Variants in CNTN4 observed in about 807,000 individuals in gnomAD.
The protein encoded by CNTN4 is contactin 4.
A neutral mutation model predicts 122.5 loss-of-function variants in CNTN4; 77 were observed. The observed-to-expected ratio is 0.63, with a 90% CI of 0.52 to 0.76. The LOEUF (loss-of-function observed/expected upper bound fraction) is 0.76. CNTN4 is among the 30% of genes least tolerant of loss of function. The probability of loss-of-function intolerance (pLI) is 0.00; values close to 1 mark genes in which losing one functional copy is unlikely to be tolerated. For missense variants in CNTN4, 1,256 were observed against 1,259.1 expected, an observed-to-expected ratio of 1.00 and a Z score of 0.04; for synonymous variants, 512 against 447.0, an observed-to-expected ratio of 1.15 and a Z score of -1.83.
intron 2 of CNTN4, among the ~76,000 whole-genome samples, chr3:2,299,181 T>G (rs2042415434): frequency 6.6e-6 from 1 of 152,144 alleles, no homozygotes; most frequent in Admixed American, 6.5e-5. Flanking sequence ...AGAGAATTAA[T>G]CCAGCATTAT....
At chr3:2,654,604 C>T (rs945340585) in intron 4 of CNTN4, among the ~76,000 whole-genome samples, 5 of 152,130 alleles carry the variant, frequency 3.3e-5, no homozygotes, top group Non-Finnish European at 1.5e-5. Flanking sequence ...TCAGGTCAGT[C>T]CACAAGCATT....
At chr3:2,529,875 A>G (rs1250267329) in intron 3 of CNTN4, among the ~76,000 whole-genome samples, 1 of 152,138 alleles carries the variant, frequency 6.6e-6, no homozygotes, top group African/African-American at 2.4e-5. Context: ...TTGAAATCCT[A>G]ATCCTTTAAC....
chr3:2,173,811 A>G (rs2036619985), intron 2 of CNTN4, among the ~76,000 whole-genome samples: 1 of 152,224 alleles, frequency 6.6e-6, no homozygotes, highest in Admixed American at 6.5e-5. Context: ...GAACTCTAAA[A>G]GATAAAATAA....
intron 4 of CNTN4, among the ~76,000 whole-genome samples, chr3:2,622,813 A>G (rs945154083): frequency 1.3e-5 from 2 of 152,210 alleles, no homozygotes; most frequent in African/African-American, 4.8e-5. Context: ...ATGCAAGATC[A>G]CGCAGCTGGT....
chr3:2,525,708 G>T (rs1265321499), intron 3 of CNTN4, among the ~76,000 whole-genome samples: 1 of 152,018 alleles, frequency 6.6e-6, no homozygotes, highest in East Asian at 1.9e-4. Context: ...TATATTATCT[G>T]GAACACAATC....
At chr3:2,744,054 A>T (rs532063734) in intron 5 of CNTN4, among the ~76,000 whole-genome samples, 1 of 152,248 alleles carries the variant, frequency 6.6e-6, no homozygotes, top group East Asian at 1.9e-4. Context: ...GGCTCAAGAG[A>T]CCTGCCTGCT....
At chr3:2,634,358 T>A (rs550624246) in intron 4 of CNTN4, among the ~76,000 whole-genome samples, 96 of 152,306 alleles carry the variant, frequency 6.3e-4, no homozygotes, top group Non-Finnish European at 1.1e-3. Flanking sequence ...GCGGCAATAT[T>A]TGTTTAATAT....
intron 4 of CNTN4, among the ~76,000 whole-genome samples, chr3:2,610,387 T>A (rs760558810): frequency 2.2e-4 from 33 of 152,228 alleles, no homozygotes; most frequent in Non-Finnish European, 4.4e-4. Flanking sequence ...CCTCTGTTTT[T>A]AAATTGCTTT....
At position 2,317,096 on chromosome 3, in the gene CNTN4, A is replaced by G. The variant is rs577983663; in HGVS notation, c.-144-22082A>G. Among the ~76,000 whole-genome samples the G allele has an allele frequency of 6.6e-5, 10 of 152,328 alleles. 1 individual carries two copies. The highest frequency in any genetic ancestry group is 2.4e-4 in the African/African-American group (10 of 41,564). ...TCTCTTAAATACTTGTAACACTATCAATACTACCTATTTTGTTAGCATAAT... is the reference window on the plus strand; with the variant it reads ...TCTCTTAAATACTTGTAACACTATCGATACTACCTATTTTGTTAGCATAAT... On this transcript the variant is annotated intron_variant, in intron 2 of 24. Transcript: ENST00000418658.
intron 12 of CNTN4, among the ~76,000 whole-genome samples, chr3:2,908,105 C>G (rs889281137): frequency 2.6e-5 from 4 of 152,096 alleles, no homozygotes; most frequent in Non-Finnish European, 4.4e-5. Flanking sequence ...CTGTACAACT[C>G]CCTGGGTGAT....
intron 4 of CNTN4, among the ~76,000 whole-genome samples, chr3:2,622,051 C>A (rs569415479): frequency 6.6e-6 from 1 of 152,286 alleles, no homozygotes; most frequent in South Asian, 2.1e-4. Flanking sequence ...ATTGCTCAGG[C>A]AATTTCAGTT....
intron 3 of CNTN4, among the ~76,000 whole-genome samples, chr3:2,475,667 G>C (rs2075815790): frequency 6.6e-6 from 1 of 152,062 alleles, no homozygotes; most frequent in East Asian, 1.9e-4. Flanking sequence ...CATGATTTAA[G>C]CTATTGGTGG....
At chr3:2,163,798 T>C (rs981865414) in intron 2 of CNTN4, among the ~76,000 whole-genome samples, 1 of 152,144 alleles carries the variant, frequency 6.6e-6, no homozygotes, top group Non-Finnish European at 1.5e-5. Flanking sequence ...TAACGAGATA[T>C]AATCTCACAC....
chr3:2,538,742 A>T (rs554511352), intron 3 of CNTN4, among the ~76,000 whole-genome samples: 35 of 152,112 alleles, frequency 2.3e-4, no homozygotes, highest in African/African-American at 8.2e-4. Flanking sequence ...TAACAAAGAA[A>T]TAAAATATAA....
At chr3:2,124,433 A>AAC (rs60760373) in intron 2 of CNTN4, among the ~76,000 whole-genome samples, 12,032 of 123,776 alleles carry the variant, frequency 0.097, 588 homozygotes, top group African/African-American at 0.16. Context: ...ATTTATTTAA[A>AAC]ACACACACAC....
chr3:2,709,061 C>A lies in CNTN4; in HGVS notation c.56-27154C>A, dbSNP rs557282235. Among the ~76,000 whole-genome samples the A allele has an allele frequency of 6.6e-6, 1 of 152,044 alleles. No individual in the cohort carries two copies. Among genetic ancestry groups the A allele is most frequent in the African/African-American group, 2.4e-5 (1 of 41,394 alleles). ...TCTTCTCAGATATCTCATAGACCAT[C>A]CCCCCTCTGCTGCCACTGAATTTCA... On this transcript the variant is annotated intron_variant, in intron 4 of 24. Coordinates refer to ENST00000418658, the MANE Select transcript of CNTN4 (RefSeq NM_175607.3). This position sits in a 1 kb window ranked among gnomAD's most constrained non-coding sequence, Gnocchi z 5.0.
intron 3 of CNTN4, among the ~76,000 whole-genome samples, chr3:2,370,696 A>T (rs747127730): frequency 6.6e-6 from 1 of 152,182 alleles, no homozygotes; most frequent in Non-Finnish European, 1.5e-5. Flanking sequence ...ATTTTGTGTA[A>T]GTGAATGTGT....
At chr3:2,792,693 A>C (rs376255356) in intron 6 of CNTN4, among the ~76,000 whole-genome samples, 1 of 152,128 alleles carries the variant, frequency 6.6e-6, no homozygotes, top group African/African-American at 2.4e-5. Flanking sequence ...TTCACTTAGC[A>C]CTCACTTCTA....
intron 2 of CNTN4, among the ~76,000 whole-genome samples, chr3:2,268,703 T>C (rs1281889344): frequency 6.6e-6 from 1 of 152,088 alleles, no homozygotes; most frequent in Non-Finnish European, 1.5e-5. Context: ...GAGAAGAAAA[T>C]AAAGAAGCAC....
Sources: allele counts gnomAD v4.1 joint callset (sites outside exome capture counted in the v4.1 genomes callset), GRCh38; gene constraint gnomAD v4.1.1; non-coding constraint Gnocchi (gnomAD v3.1); transcripts MANE v1.5; gene names NCBI Gene and HGNC (gene_info 2026-07-23, HGNC 2026-07-21).